The following NLRC3 variants were observed in gnomAD, a reference collection of about 807,000 sequenced individuals.
NLRC3 encodes NLR family CARD domain-containing protein 3.
In NLRC3, 87 loss-of-function variants were observed where a neutral mutation model predicts 91.6. That is an observed-to-expected ratio of 0.95 (90% CI 0.80 to 1.14). NLRC3 has a LOEUF of 1.14. Ranked by LOEUF, NLRC3 falls within the 50% of genes most tolerant of loss-of-function variation. The probability of loss-of-function intolerance (pLI) is 0.00; values close to 1 mark genes in which losing one functional copy is unlikely to be tolerated. For synonymous variants in NLRC3, 694 were observed against 625.3 expected (o/e 1.11, Z -1.64); for missense variants, 1,577 against 1,418.6 (o/e 1.11, Z -1.79).
intron 3 of NLRC3, 84 bp from the exon 4 acceptor site, chr16:3,565,144 G>A: frequency 9.6e-7 from 1 of 1,044,758 alleles, no homozygotes; most frequent in Non-Finnish European, 1.4e-6. Flanking sequence ...CCAGGAACGG[G>A]GTCAGGGATC....
At chr16:3,553,791 G>C (rs149056320) in intron 9 of NLRC3, among the ~76,000 whole-genome samples, 5 of 150,324 alleles carry the variant, frequency 3.3e-5, no homozygotes, top group African/African-American at 1.2e-4. Flanking sequence ...GCCCAGGCTG[G>C]AGTGCAATGG....
chr16:3,565,522 G>A (rs73503399), intron 2 of NLRC3, 142 bp from the exon 3 acceptor site: 311 of 338,858 alleles, frequency 9.2e-4, no homozygotes, highest in African/African-American at 6.6e-3. Context: ...CTCTGGGGAC[G>A]CTACACTGTG....
chr16:3,569,190 T>C (rs1373319953), intron 1 of NLRC3, among the ~76,000 whole-genome samples: 1 of 151,442 alleles, frequency 6.6e-6, no homozygotes, highest in Non-Finnish European at 1.5e-5. Flanking sequence ...GGCGTGTGCC[T>C]GTAATCCCAG....
chr16:3,555,674 A>G (rs1410554506), intron 8 of NLRC3: 1 of 151,792 alleles, frequency 6.6e-6, no homozygotes, highest in African/African-American at 2.4e-5. Context: ...GGCTCAACTC[A>G]ACCTCAGCCT....
rs1031809335 is a variant in NLRC3 at position 3,541,058 on chromosome 16, A to T, written c.*767T>A. 5 of 152,110 alleles carry T rather than the reference A, an allele frequency of 3.3e-5. No homozygotes were observed. Among genetic ancestry groups the T allele is most frequent in the African/African-American group, 1.2e-4 (5 of 41,416 alleles). The allele number at this position is 152,110 out of a possible 1,614,324, so 9.4% of individuals were successfully genotyped here. On this transcript the variant is annotated 3_prime_UTR_variant, in exon 20 of 20. Transcript: ENST00000359128. Reference sequence around the variant, plus strand: ...CGTCTCTACTAAAACTACAAAAATTAGCCGGGCATGGTGGCGGGTGCCTGT... The same window carrying T: ...CGTCTCTACTAAAACTACAAAAATTTGCCGGGCATGGTGGCGGGTGCCTGT...
intron 6 of NLRC3, 108 bp downstream of exon 6, chr16:3,561,594 A>G (rs2039613634): frequency 1.4e-6 from 1 of 727,982 alleles, no homozygotes; most frequent in Non-Finnish European, 2.4e-6. Context: ...CTCCAAAGAC[A>G]CTTCTCCGTG....
At chr16:3,553,116 C>A (rs1440902688) in intron 9 of NLRC3, among the ~76,000 whole-genome samples, 1 of 152,116 alleles carries the variant, frequency 6.6e-6, no homozygotes, top group Admixed American at 6.5e-5. Flanking sequence ...AATACAAATC[C>A]TAAAAAATGT....
Position 3,557,689 on chromosome 16 carries a change from AG to A in NLRC3, c.2016-14del. 6.3e-7 allele frequency: 1 copy of A among 1,592,690 alleles called. No individual in the cohort carries two copies. The highest frequency in any genetic ancestry group is 8.6e-7 in the Non-Finnish European group (1 of 1,161,380). Reference sequence around the variant, plus strand: ...GTTCTCCGCCAAGCTGCCCAAGGAAAGGGAGAGGAGTGGTTATTTTAGGCAT... The same window carrying A: ...GTTCTCCGCCAAGCTGCCCAAGGAAAGGAGAGGAGTGGTTATTTTAGGCAT... On this transcript the variant is annotated splice_polypyrimidine_tract_variant and intron_variant, in intron 6 of 19. Transcript: ENST00000359128.
chr16:3,550,367 T>C (rs1188465953), intron 11 of NLRC3, 47 bp downstream of exon 11: 2 of 1,335,188 alleles, frequency 1.5e-6, no homozygotes, highest in African/African-American at 1.4e-5. Context: ...CACTATCTAC[T>C]GGAAAGAGAA....
intron 12 of NLRC3, 96 bp downstream of exon 12, chr16:3,549,585 AAGGCTTCCCCAGCCAT>A: frequency 1.2e-6 from 1 of 840,102 alleles, no homozygotes; most frequent in Non-Finnish European, 1.9e-6. Flanking sequence ...GGCTGCCAGG[AAGGCTTCCCCAGCCAT>A]AGATTTCCCT....
At chr16:3,558,245 G>A (rs1032353850) in intron 6 of NLRC3, among the ~76,000 whole-genome samples, 4 of 152,094 alleles carry the variant, frequency 2.6e-5, no homozygotes, top group African/African-American at 4.8e-5. Context: ...TGAGGAGGGA[G>A]GATTTAGCCT....
intron 12 of NLRC3, 23 bp from the exon 13 acceptor site, chr16:3,549,248 A>G (rs751900626): frequency 1.1e-5 from 17 of 1,537,532 alleles, no homozygotes; most frequent in Non-Finnish European, 1.5e-5. Context: ...GAAAGACCTG[A>G]GCTTCTGACC....
In NLRC3 at chr16:3,561,745, C is replaced by T; in HGVS notation, c.1972G>A (p.Gly658Ser). The T allele has an allele frequency of 6.2e-7, 1 of 1,613,662 alleles. No homozygotes were observed. The change falls in exon 6 of 20, where the codon GGC becomes AGC. Residue 658 changes from glycine (G) to serine (S), a missense_variant. Physicochemically the swap from Gly to Ser is moderately conservative, Grantham distance 56 (BLOSUM62 0). Transcript: ENST00000359128. Reference protein sequence around the residue: ...QFQDPVMELLGSVLSGKDCRI... With the variant: ...QFQDPVMELLSSVLSGKDCRI... Reference sequence around the variant, plus strand: ...CAGTCCTTCCCACTCAGCACGCTGCCCAGCAGCTCCATCACGGGGTCCTGG... The same window carrying T: ...CAGTCCTTCCCACTCAGCACGCTGCTCAGCAGCTCCATCACGGGGTCCTGG...
intron 1 of NLRC3, 91 bp downstream of exon 1, chr16:3,577,058 G>C (rs1002435652): frequency 4.3e-6 from 3 of 701,676 alleles, no homozygotes; most frequent in African/African-American, 3.5e-5. Flanking sequence ...CCCCTCCCCA[G>C]AGTAGCTCAG....
chr16:3,565,469 CAAAAAAAAAAAAAAAAAA>C, intron 2 of NLRC3, 89 bp from the exon 3 acceptor site: 1 of 44,180 alleles, frequency 2.3e-5, no homozygotes, highest in Non-Finnish European at 4.0e-5. Flanking sequence ...TGGGAAAAAG[CAAAAAAAAAAAAAAAAAA>C]AAAAAAAAAA....
intron 6 of NLRC3, among the ~76,000 whole-genome samples, chr16:3,560,941 G>A (rs1427966097): frequency 6.6e-6 from 1 of 151,752 alleles, no homozygotes; most frequent in African/African-American, 2.4e-5. Context: ...TTACAGGGGT[G>A]AGCCACCACA....
At chr16:3,552,157 G>T in intron 10 of NLRC3, 39 bp downstream of exon 10, 1 of 1,216,198 alleles carries the variant, frequency 8.2e-7, no homozygotes, top group Non-Finnish European at 1.2e-6. Flanking sequence ...ATTGTGCTGG[G>T]CACTGAGGAT....
chr16:3,573,215 T>G (rs1164518359), intron 1 of NLRC3, among the ~76,000 whole-genome samples: 1 of 150,762 alleles, frequency 6.6e-6, no homozygotes, highest in Non-Finnish European at 1.5e-5. Flanking sequence ...CCCGGGAGTT[T>G]GAGACCAGCC....
chr16:3,550,920 C>T (rs1317164688), intron 10 of NLRC3, among the ~76,000 whole-genome samples: 2 of 152,124 alleles, frequency 1.3e-5, no homozygotes, highest in Non-Finnish European at 2.9e-5. Flanking sequence ...CCAGCACTCA[C>T]ACTTCCATCC....
Sources: allele counts gnomAD v4.1 joint callset (sites outside exome capture counted in the v4.1 genomes callset), GRCh38; gene constraint gnomAD v4.1.1; transcripts MANE v1.5; gene names NCBI Gene and HGNC (gene_info 2026-07-23, HGNC 2026-07-21).